The following BICD1 variants were observed in gnomAD, a reference collection of about 807,000 sequenced individuals.
BICD1 encodes BICD cargo adaptor 1, also known as protein bicaudal D homolog 1.
A neutral mutation model predicts 92.5 loss-of-function variants in BICD1; 35 were observed. The ratio of observed to expected loss-of-function variants is 0.38; its 90% CI spans 0.29 to 0.50. The LOEUF is 0.50. BICD1 is among the 20% of genes least tolerant of loss of function. The pLI is 0.93. For synonymous variants in BICD1, 429 were observed against 465.1 expected (o/e 0.92, Z 1.00); for missense variants, 950 against 1,189.8 (o/e 0.80, Z 2.97).
chr12:32,220,790 C>T (rs1945493715), intron 2 of BICD1, among the ~76,000 whole-genome samples: 1 of 135,512 alleles, frequency 7.4e-6, no homozygotes, highest in Non-Finnish European at 1.6e-5. Flanking sequence ...AAGACACATG[C>T]ACACGTATGT....
intron 9 of BICD1, among the ~76,000 whole-genome samples, chr12:32,368,656 C>T (rs2136333111): frequency 6.6e-6 from 1 of 152,126 alleles, no homozygotes; most frequent in Non-Finnish European, 1.5e-5. Context: ...GCTGGTGCCA[C>T]TGCACTCCAG....
At chr12:32,179,393 TG>T (rs1323438191) in intron 1 of BICD1, among the ~76,000 whole-genome samples, 2 of 151,956 alleles carry the variant, frequency 1.3e-5, no homozygotes, top group East Asian at 3.8e-4. Flanking sequence ...AAGAGAAACT[TG>T]GTATTATTAT....
In BICD1 at chr12:32,179,867, G is replaced by A. The variant is rs1223850851; in HGVS notation, c.214-36380G>A. Reference sequence around the variant, plus strand: ...TAGCTGGGCATGGTGGTAGGCACCTGTAATCCCAGCTACTCAGGAGGCTGA... The same window carrying A: ...TAGCTGGGCATGGTGGTAGGCACCTATAATCCCAGCTACTCAGGAGGCTGA... On this transcript the variant is annotated intron_variant, in intron 1 of 9. Transcript: ENST00000652176. Among the ~76,000 whole-genome samples the A allele has an allele frequency of 3.3e-5, 5 of 151,274 alleles. 1 individual carries two copies. Among genetic ancestry groups the A allele is most frequent in the Non-Finnish European group, 5.9e-5 (4 of 67,816 alleles).
At chr12:32,357,982 G>A (rs1350328406) in intron 8 of BICD1, among the ~76,000 whole-genome samples, 1 of 152,094 alleles carries the variant, frequency 6.6e-6, no homozygotes, top group Non-Finnish European at 1.5e-5. Context: ...AGAAACCTGG[G>A]CACAAGTTCT....
intron 1 of BICD1, among the ~76,000 whole-genome samples, chr12:32,152,540 CA>C (rs1443759521): frequency 1.3e-5 from 2 of 152,134 alleles, no homozygotes; most frequent in African/African-American, 4.8e-5. Flanking sequence ...CTGGTATTTT[CA>C]AATTTCAATT....
Position 32,337,842 on chromosome 12 carries a change from A to T in BICD1, c.2570+26A>T, listed in dbSNP as rs1385420100. On this transcript the variant is annotated intron_variant, in intron 7 of 9. Transcript: ENST00000652176. The surrounding 1 kb of genome is among the most constrained non-coding windows in gnomAD (Gnocchi z 4.7). ...GTATGCATGCAGCGATCTTCATAGT[A>T]CGGTGCAGTGGCCAGATTTTAGTTA... The T allele has an allele frequency of 6.2e-7, 1 of 1,606,808 alleles. No individual in the cohort carries two copies. The highest frequency in any genetic ancestry group is 1.7e-5 in the Admixed American group (1 of 59,934).
At chr12:32,332,199 C>G (rs1340277207) in intron 5 of BICD1, among the ~76,000 whole-genome samples, 1 of 152,086 alleles carries the variant, frequency 6.6e-6, no homozygotes, top group South Asian at 2.1e-4. Flanking sequence ...TAGAGGGGAA[C>G]AACACACACT....
At chr12:32,319,563 C>T (rs1948593227) in intron 4 of BICD1, among the ~76,000 whole-genome samples, 1 of 151,630 alleles carries the variant, frequency 6.6e-6, no homozygotes, top group African/African-American at 2.4e-5. Context: ...AGGGAGAGGT[C>T]GTTTGTTTTT....
At chr12:32,278,259 G>A (rs930100022) in intron 2 of BICD1, among the ~76,000 whole-genome samples, 1 of 152,020 alleles carries the variant, frequency 6.6e-6, no homozygotes, top group African/African-American at 2.4e-5. Flanking sequence ...GTGGTATCAG[G>A]GCACCATGGA....
intron 2 of BICD1, among the ~76,000 whole-genome samples, chr12:32,248,956 C>T (rs915156788): frequency 6.6e-6 from 1 of 152,192 alleles, no homozygotes; most frequent in Non-Finnish European, 1.5e-5. Context: ...TCCCTTACTG[C>T]ACATGTGTTA....
intron 2 of BICD1, among the ~76,000 whole-genome samples, chr12:32,289,369 T>C (rs533594537): frequency 6.6e-6 from 1 of 152,354 alleles, no homozygotes; most frequent in South Asian, 2.1e-4. Flanking sequence ...TCTATTGTGA[T>C]ATCAGAGTCT....
At chr12:32,280,482 T>C (rs1947384398) in intron 2 of BICD1, among the ~76,000 whole-genome samples, 1 of 152,206 alleles carries the variant, frequency 6.6e-6, no homozygotes, top group Non-Finnish European at 1.5e-5. Context: ...AGATAAGGGA[T>C]ATTTTAGTAA....
chr12:32,306,627 A>C lies in BICD1; in HGVS notation c.1005+505A>C, dbSNP rs182763370. Among the ~76,000 whole-genome samples the C allele has an allele frequency of 1.8e-4, 28 of 152,348 alleles. No individual in the cohort carries two copies. In the Middle Eastern group the frequency reaches 0.01, roughly 56 times the overall value. On this transcript the variant is annotated intron_variant, in intron 4 of 9. Coordinates refer to ENST00000652176, the MANE Select transcript of BICD1 (RefSeq NM_001714.4). ...AGAAAGACATGACAGAAGGAGCGTT[A>C]AAGAGAAATGCAGTCTCTCATTTGC... is the stretch of plus-strand genomic sequence containing the variant.
At chr12:32,275,286 T>C (rs16919582) in intron 2 of BICD1, among the ~76,000 whole-genome samples, 4,980 of 152,210 alleles carry the variant, frequency 0.033, 270 homozygotes, top group African/African-American at 0.11. Flanking sequence ...AGTTTGAAAA[T>C]AAGTAAGGTA....
intron 1 of BICD1, among the ~76,000 whole-genome samples, chr12:32,118,087 A>ATTTTATTTTATTTTATTTTATTTTC (rs372015819): frequency 7.8e-6 from 1 of 128,436 alleles, no homozygotes; most frequent in Non-Finnish European, 1.7e-5. Context: ...ATTTTATTTT[A>ATTTTATTTTATTTTATTTTATTTTC]TTTATTTTTT....
chr12:32,188,747 A>C (rs1401324183), intron 1 of BICD1, among the ~76,000 whole-genome samples: 3 of 146,894 alleles, frequency 2.0e-5, no homozygotes, highest in African/African-American at 7.7e-5. Flanking sequence ...TTTTTTTTTG[A>C]GACAGAGTCT....
At chr12:32,299,567 A>G (rs931851229) in intron 3 of BICD1, among the ~76,000 whole-genome samples, 1 of 152,188 alleles carries the variant, frequency 6.6e-6, no homozygotes, top group African/African-American at 2.4e-5. Flanking sequence ...AGCTGCCCAG[A>G]CAGAAAGAGA....
intron 1 of BICD1, among the ~76,000 whole-genome samples, chr12:32,206,005 C>T (rs1037455697): frequency 1.3e-5 from 2 of 152,126 alleles, no homozygotes; most frequent in African/African-American, 4.8e-5. Flanking sequence ...TAATGTTTTG[C>T]AATTCAGCCA....
intron 1 of BICD1, among the ~76,000 whole-genome samples, chr12:32,156,348 A>G (rs1479188740): frequency 6.6e-6 from 1 of 152,178 alleles, no homozygotes; most frequent in Non-Finnish European, 1.5e-5. Context: ...GTCAGGGAGG[A>G]CACAATGCCA....
Sources: gnomAD v4.1 joint callset for allele counts (sites outside exome capture counted in the v4.1 genomes callset) on GRCh38, gnomAD v4.1.1 for gene constraint, Gnocchi (gnomAD v3.1) non-coding constraint, MANE v1.5 for transcripts, NCBI Gene and HGNC (gene_info 2026-07-23, HGNC 2026-07-21) for gene names.